SPATA22: variants seen among roughly 807,000 people sequenced by gnomAD.
SPATA22 encodes spermatogenesis-associated protein 22.
SPATA22 carries 29 observed loss-of-function variants against 47.8 expected under a neutral mutation model. That is an observed-to-expected ratio of 0.61 (90% CI 0.45 to 0.83). The LOEUF (loss-of-function observed/expected upper bound fraction) is 0.83, where lower values mean the gene tolerates loss of function less well. Among genes scored for constraint, SPATA22 ranks in the 40% least tolerant of loss-of-function variants. SPATA22 has a pLI of 0.00. For synonymous variants in SPATA22, 133 were observed against 140.9 expected (o/e 0.94, Z 0.40); for missense variants, 410 against 421.7 (o/e 0.97, Z 0.24).
intron 1 of SPATA22, among the ~76,000 whole-genome samples, chr17:3,507,061 G>C (rs1396410517): frequency 6.6e-6 from 1 of 151,858 alleles, no homozygotes; most frequent in South Asian, 2.1e-4. Flanking sequence ...TTAGGAATGT[G>C]GGTGCAAATA....
intron 1 of SPATA22, among the ~76,000 whole-genome samples, chr17:3,508,034 T>C (rs2074058965): frequency 6.6e-6 from 1 of 152,168 alleles, no homozygotes; most frequent in Non-Finnish European, 1.5e-5. Context: ...ACAAGATACA[T>C]CCCAGTGAAG....
intron 5 of SPATA22, among the ~76,000 whole-genome samples, chr17:3,451,961 A>G (rs1331644315): frequency 2.0e-5 from 3 of 151,646 alleles, no homozygotes; most frequent in Non-Finnish European, 1.5e-5. Flanking sequence ...AAAAAAAAAA[A>G]AAAGAAAACC....
At chr17:3,507,997 G>A (rs181009748) in intron 1 of SPATA22, among the ~76,000 whole-genome samples, 12 of 152,210 alleles carry the variant, frequency 7.9e-5, no homozygotes, top group Admixed American at 5.9e-4. Context: ...TGTGAATCAC[G>A]TACAATCCCT....
intron 7 of SPATA22, among the ~76,000 whole-genome samples, chr17:3,444,420 T>G (rs1465286716): frequency 6.6e-6 from 1 of 152,056 alleles, no homozygotes; most frequent in Non-Finnish European, 1.5e-5. Flanking sequence ...GACTCATTTG[T>G]TAGTTTGTAG....
intron 1 of SPATA22, chr17:3,502,582 C>A (rs910356716): frequency 2.0e-5 from 3 of 152,120 alleles, no homozygotes; most frequent in South Asian, 2.1e-4. Context: ...GAAAGAGAAA[C>A]AAGGGCTTAA....
At chr17:3,471,990 G>A (rs2073449453), upstream of SPATA22, 2 of 433,252 alleles carry the variant, frequency 4.6e-6, no homozygotes, top group South Asian at 9.7e-5. Flanking sequence ...TTAGAGTTTT[G>A]CCCAGAGAGG....
At chr17:3,464,090 C>T (rs2073207677) in intron 3 of SPATA22, among the ~76,000 whole-genome samples, 1 of 151,876 alleles carries the variant, frequency 6.6e-6, no homozygotes, top group African/African-American at 2.4e-5. Flanking sequence ...GCCTGATTCT[C>T]CTGCCTCACC....
At chr17:3,451,021 G>C (rs1270637466) in intron 5 of SPATA22, among the ~76,000 whole-genome samples, 1 of 152,162 alleles carries the variant, frequency 6.6e-6, no homozygotes, top group Admixed American at 6.5e-5. Context: ...TATGAGGAGA[G>C]GCTGAGTGGA....
intron 3 of SPATA22, among the ~76,000 whole-genome samples, chr17:3,463,094 A>G (rs1476898746): frequency 6.6e-6 from 1 of 152,248 alleles, no homozygotes; most frequent in East Asian, 1.9e-4. Flanking sequence ...TCACCCACAG[A>G]AAGAAATACA....
At chr17:3,475,225 T>G (rs1175191699), upstream of SPATA22, among the ~76,000 whole-genome samples, 1 of 152,168 alleles carries the variant, frequency 6.6e-6, no homozygotes, top group Non-Finnish European at 1.5e-5. Context: ...ATCTTAGTAT[T>G]CTGGAAAATT....
intron 3 of SPATA22, among the ~76,000 whole-genome samples, chr17:3,464,829 A>G (rs1255083126): frequency 8.0e-5 from 8 of 100,004 alleles, no homozygotes; most frequent in African/African-American, 1.9e-4. Flanking sequence ...CCCGGCAGCC[A>G]CCCCGTCTGG....
chr17:3,499,102 C>T (rs774852992), intron 1 of SPATA22: 5 of 1,610,368 alleles, frequency 3.1e-6, no homozygotes, highest in South Asian at 1.1e-5. Flanking sequence ...TCACTTCCAG[C>T]TTACATCTTA....
chr17:3,454,097 G>A (rs2072926930), intron 5 of SPATA22, among the ~76,000 whole-genome samples: 1 of 150,534 alleles, frequency 6.6e-6, no homozygotes, highest in Admixed American at 6.6e-5. Context: ...ATTCCAAAAG[G>A]AAACCAAGAG....
At chr17:3,510,481 C>G (rs530890737) in intron 1 of SPATA22, 1 of 152,282 alleles carries the variant, frequency 6.6e-6, no homozygotes, top group Admixed American at 6.5e-5. Flanking sequence ...GCACACCTAA[C>G]GCAAGGATAA....
intron 3 of SPATA22, among the ~76,000 whole-genome samples, chr17:3,464,262 G>A (rs1459345801): frequency 1.3e-5 from 2 of 151,638 alleles, no homozygotes; most frequent in Non-Finnish European, 3.0e-5. Context: ...GATTGCAGAC[G>A]GTGTCTGGTT....
At chr17:3,502,311 T>C (rs2073999825) in intron 1 of SPATA22, 1 of 152,224 alleles carries the variant, frequency 6.6e-6, no homozygotes, top group Non-Finnish European at 1.5e-5. Context: ...CTTTTACACG[T>C]ACTGGAAAAT....
chr17:3,464,888 TG>T (rs557037862), intron 3 of SPATA22, among the ~76,000 whole-genome samples: 1,608 of 69,274 alleles, frequency 0.023, 237 homozygotes, highest in Non-Finnish European at 0.027. Flanking sequence ...GGGAGGGGGG[TG>T]GGGGGGGGTC....
At position 3,498,608 on chromosome 17, in the gene SPATA22, A is replaced by T. The variant is rs186420765; in HGVS notation, c.-74+14804T>A. ...GCGATCCACCCACATTGGCCTCCCC[A>T]AGTGCTGGGATTACAGGCAAGGAGC... On this transcript the variant is annotated intron_variant, in intron 1 of 8. Transcript: ENST00000541913. 1.2e-4 allele frequency among the ~76,000 whole-genome samples: 18 copies of T among 152,324 alleles called. 1 individual carries two copies. The East Asian group carries it at 3.3e-3, about 28-fold the overall frequency.
chr17:3,512,737 C>A (rs2074130219), intron 1 of SPATA22: 1 of 151,746 alleles, frequency 6.6e-6, no homozygotes, highest in Non-Finnish European at 1.5e-5. Flanking sequence ...GGACGAGGAC[C>A]TAAAAATAAG....
Sources: gnomAD v4.1 joint callset for allele counts (sites outside exome capture counted in the v4.1 genomes callset) on GRCh38, gnomAD v4.1.1 for gene constraint, MANE v1.5 for transcripts, NCBI Gene and HGNC (gene_info 2026-07-23, HGNC 2026-07-21) for gene names.